The following HMCN1 variants were observed in gnomAD, a reference collection of about 807,000 sequenced individuals.
HMCN1 encodes hemicentin-1.
Under a neutral mutation model 625.9 loss-of-function variants are expected in HMCN1, and 321 were observed. The ratio of observed to expected loss-of-function variants is 0.51; its 90% CI spans 0.47 to 0.56. HMCN1 has a LOEUF of 0.56. HMCN1 is among the 20% of genes least tolerant of loss of function. The probability of loss-of-function intolerance (pLI) is 0.00; values close to 1 mark genes in which losing one functional copy is unlikely to be tolerated. For missense variants in HMCN1, 6,588 were observed against 6,887.3 expected, an observed-to-expected ratio of 0.96 and a Z score of 1.54; for synonymous variants, 2,425 against 2,417.6, an observed-to-expected ratio of 1.00 and a Z score of -0.09.
intron 1 of HMCN1, among the ~76,000 whole-genome samples, chr1:185,825,844 G>A (rs1263378393): frequency 6.6e-6 from 1 of 152,138 alleles, no homozygotes; most frequent in African/African-American, 2.4e-5. Context: ...GTTCTAAAAG[G>A]TTTTTCTCTT....
intron 11 of HMCN1, among the ~76,000 whole-genome samples, chr1:185,935,836 C>T (rs1015628902): frequency 4.6e-5 from 7 of 152,074 alleles, no homozygotes; most frequent in African/African-American, 1.2e-4. Flanking sequence ...GTTGAATGTA[C>T]TATAGAAAAG....
At chr1:186,085,207 A>G (rs1205272353) in intron 57 of HMCN1, among the ~76,000 whole-genome samples, 1 of 152,150 alleles carries the variant, frequency 6.6e-6, no homozygotes, top group Non-Finnish European at 1.5e-5. Context: ...CCTCAAAAAT[A>G]TCAAGTGGCC....
chr1:185,845,458 T>C lies in HMCN1; in HGVS notation c.269-568T>C, dbSNP rs1259304488. On this transcript the variant is annotated intron_variant, in intron 1 of 106. Transcript: ENST00000271588. The stretch of plus-strand genomic sequence containing the variant: ...CTGGTCTCGAACTCCTGACCTCAAA[T>C]GATCTGCCCGCCTTGGACTCCCAAA... 2.0e-5 allele frequency among the ~76,000 whole-genome samples: 3 copies of C among 152,292 alleles called. No individual in the cohort carries two copies. The East Asian group carries it at 5.8e-4, about 29-fold the overall frequency.
chr1:185,940,308 AC>A (rs1351754742), intron 11 of HMCN1, among the ~76,000 whole-genome samples: 1 of 152,200 alleles, frequency 6.6e-6, no homozygotes, highest in East Asian at 1.9e-4. Context: ...TCTCTTACTA[AC>A]TTTAGCTTTC....
At chr1:186,039,053 A>G in intron 38 of HMCN1, 48 bp downstream of exon 38, 1 of 1,270,482 alleles carries the variant, frequency 7.9e-7, no homozygotes, top group Non-Finnish European at 1.2e-6. Flanking sequence ...GAAGCATTCA[A>G]AATGATTAAG....
At chr1:186,154,799 A>ATGGTTC (rs1193262777) in intron 97 of HMCN1, among the ~76,000 whole-genome samples, 2 of 152,154 alleles carry the variant, frequency 1.3e-5, no homozygotes, top group African/African-American at 2.4e-5. Flanking sequence ...TTTTCCAAGC[A>ATGGTTC]TGGTTCTGCA....
intron 48 of HMCN1, 119 bp downstream of exon 48, chr1:186,062,719 T>C: frequency 4.2e-6 from 3 of 711,810 alleles, no homozygotes; most frequent in Non-Finnish European, 7.7e-6. Context: ...TTTTGTTACA[T>C]GGATATATTG....
chr1:185,923,513 A>C lies in HMCN1; in HGVS notation c.1145A>C (p.His382Pro). 6.2e-7 allele frequency: 1 copy of C among 1,612,616 alleles called. No individual in the cohort carries two copies. Among genetic ancestry groups the C allele is most frequent in the Non-Finnish European group, 8.5e-7 (1 of 1,179,028 alleles). The part of the protein sequence containing the change: ...LKTIPVKYYP[H>P]RKPYGIWNIS... Reference sequence around the variant, plus strand: ...ACTATTCCTGTTAAATATTACCCACATCGAAAACCTTATGGCATATGGAAT... The same window carrying C: ...ACTATTCCTGTTAAATATTACCCACCTCGAAAACCTTATGGCATATGGAAT... The change falls in exon 8 of 107, where the codon CAT (histidine) becomes CCT (proline). Residue 382 changes from histidine (H) to proline (P), a missense_variant. Around this residue, in one of 3 missense-constraint regions of HMCN1, gnomAD observed 4,628 missense variants for 4,853.1 expected, o/e 0.95. Coordinates refer to ENST00000271588, the MANE Select transcript of HMCN1 (RefSeq NM_031935.3).
At chr1:186,160,507 G>A (rs1651383498) in intron 97 of HMCN1, among the ~76,000 whole-genome samples, 1 of 151,170 alleles carries the variant, frequency 6.6e-6, no homozygotes, top group Admixed American at 6.6e-5. Flanking sequence ...TTTTAATTGT[G>A]ATGTTAGGGT....
At chr1:185,812,208 G>C (rs1659564764) in intron 1 of HMCN1, among the ~76,000 whole-genome samples, 1 of 151,974 alleles carries the variant, frequency 6.6e-6, no homozygotes, top group African/African-American at 2.4e-5. Context: ...TCTGTGGCCT[G>C]TCTAGGTTAT....
chr1:185,808,171 C>T (rs756545549), intron 1 of HMCN1, among the ~76,000 whole-genome samples: 12 of 151,862 alleles, frequency 7.9e-5, no homozygotes, highest in Admixed American at 2.6e-4. Context: ...TATGGCGAAA[C>T]GCTGTCTTTA....
chr1:185,811,616 A>T (rs565846498), intron 1 of HMCN1, among the ~76,000 whole-genome samples: 4 of 152,138 alleles, frequency 2.6e-5, no homozygotes, highest in South Asian at 2.1e-4. Context: ...AAAATAAAAA[A>T]AAAAGGAGGT....
Position 186,095,341 on chromosome 1 carries a change from C to G in HMCN1, c.10393C>G (p.Pro3465Ala). The G allele has an allele frequency of 6.2e-7, 1 of 1,613,708 alleles. No homozygotes were observed. Among genetic ancestry groups the G allele is most frequent in the Non-Finnish European group, 8.5e-7 (1 of 1,179,842 alleles). Residue 3465 changes from proline to alanine, a missense_variant, in exon 68 of 107, where the codon CCC becomes GCC. Pro to Ala is a conservative substitution (Grantham distance 27). Transcript: ENST00000271588. Reference protein sequence around the residue: ...MACITDGTPAPSMAWLRDGQP... With the variant: ...MACITDGTPAASMAWLRDGQP... ...ATGCATTACTGATGGAACCCCAGCT[C>G]CCAGTATGGCCTGGCTTAGAGATGG...
intron 67 of HMCN1, 53 bp downstream of exon 67, chr1:186,094,426 C>A: frequency 7.5e-7 from 1 of 1,330,546 alleles, no homozygotes; most frequent in Non-Finnish European, 1.1e-6. Flanking sequence ...TATTAAGCAA[C>A]AGACTTATCT....
chr1:186,150,741 G>GTATTACAT (rs1479125361), intron 93 of HMCN1, among the ~76,000 whole-genome samples: 2 of 152,070 alleles, frequency 1.3e-5, no homozygotes, highest in African/African-American at 2.4e-5. Flanking sequence ...TTCCGCCACT[G>GTATTACAT]TCTAGCAATG....
chr1:186,057,770 C>A (rs536315766), intron 46 of HMCN1, among the ~76,000 whole-genome samples: 67 of 152,000 alleles, frequency 4.4e-4, no homozygotes, highest in African/African-American at 1.6e-3. Flanking sequence ...CTTCTATAAC[C>A]AAATATTAAT....
chr1:185,903,322 C>T (rs1284260939), intron 4 of HMCN1, among the ~76,000 whole-genome samples: 2 of 151,632 alleles, frequency 1.3e-5, no homozygotes, highest in East Asian at 1.9e-4. Context: ...TTGAGAGTTC[C>T]TCTTTTCACT....
chr1:185,939,692 T>G (rs1371326234), intron 11 of HMCN1, among the ~76,000 whole-genome samples: 4 of 152,200 alleles, frequency 2.6e-5, no homozygotes, highest in African/African-American at 9.6e-5. Context: ...ATTAGAGGGT[T>G]GAATTATGCA....
intron 1 of HMCN1, among the ~76,000 whole-genome samples, chr1:185,770,387 A>T (rs1292900196): frequency 2.6e-5 from 4 of 152,250 alleles, no homozygotes; most frequent in Non-Finnish European, 5.9e-5. Context: ...TATAGAAAAT[A>T]TAAAGTGTGC....
Sources: allele counts gnomAD v4.1 joint callset (sites outside exome capture counted in the v4.1 genomes callset), GRCh38; gene constraint gnomAD v4.1.1; regional missense constraint gnomAD v4.1.1; transcripts MANE v1.5; gene names NCBI Gene and HGNC (gene_info 2026-07-23, HGNC 2026-07-21).